IQCH: variants seen among roughly 807,000 people sequenced by gnomAD.
IQCH encodes IQ domain-containing protein H.
In IQCH, 98 loss-of-function variants were observed where a neutral mutation model predicts 117.0. The observed-to-expected ratio is 0.84, with a 90% CI of 0.71 to 0.99. IQCH has a LOEUF of 0.99. Among genes scored for constraint, IQCH ranks in the 50% least tolerant of loss-of-function variants. The probability of loss-of-function intolerance (pLI) is 0.00; values close to 1 mark genes in which losing one functional copy is unlikely to be tolerated. For synonymous variants in IQCH, 412 were observed against 448.2 expected, an observed-to-expected ratio of 0.92 and a Z score of 1.02; for missense variants, 1,102 against 1,243.8, an observed-to-expected ratio of 0.89 and a Z score of 1.72.
rs141204906 is a variant in IQCH at position 67,291,842 on chromosome 15, G to C, written c.387+12330G>C. On this transcript the variant is annotated intron_variant, in intron 4 of 20. Transcript: ENST00000335894. ...TCTCATTAGAATGTAAGCTCCATGA[G>C]AGCAGCGACTTTTTGAAAATATTTG... is the stretch of plus-strand genomic sequence containing the variant. Among the ~76,000 whole-genome samples the C allele has an allele frequency of 1.9e-3, 284 of 152,272 alleles. 1 individual carries two copies. The highest frequency in any genetic ancestry group is 5.2e-3 in the Admixed American group (80 of 15,298).
rs1025208171 is a variant in IQCH, at chr15:67,348,383, A to ACG, written c.637+4193_637+4194insGC. On this transcript the variant is annotated intron_variant, in intron 6 of 20. Transcript: ENST00000335894. The stretch of plus-strand genomic sequence containing the variant: ...CACACACACACACACACACACACGC[A>ACG]CACACAAAAGCTACTAGAACTAACA... 2.1e-5 allele frequency among the ~76,000 whole-genome samples: 3 copies of ACG among 140,792 alleles called. No homozygotes were observed. In the Admixed American group the frequency reaches 2.2e-4, roughly 10 times the overall value. The allele number at this position is 140,792 out of a possible 152,430, so 92.4% of individuals were successfully genotyped here.
intron 10 of IQCH, among the ~76,000 whole-genome samples, chr15:67,383,455 T>A (rs1406375862): frequency 6.6e-6 from 1 of 152,192 alleles, no homozygotes; most frequent in East Asian, 1.9e-4. Context: ...GACATCATCT[T>A]AATGAGACAT....
chr15:67,363,615 C>CTATGTAGTGTTATTAATTTAA (rs946413781), intron 8 of IQCH, among the ~76,000 whole-genome samples: 3 of 152,056 alleles, frequency 2.0e-5, no homozygotes, highest in African/African-American at 7.2e-5. Flanking sequence ...TATTAATAAG[C>CTATGTAGTGTTATTAATTTAA]TGTGTGTCAT....
Position 67,405,274 on chromosome 15 carries a change from A to G in IQCH, c.2097+4969A>G, listed in dbSNP as rs1971842607. 6.6e-6 allele frequency: 1 copy of G among 152,144 alleles called. No individual in the cohort carries two copies. The highest frequency in any genetic ancestry group is 1.5e-5 in the Non-Finnish European group (1 of 68,018). 9.4% of individuals were successfully genotyped at this position (152,144 alleles called of 1,614,324 possible). A position where few individuals can be genotyped will look rare whatever the true frequency, so the allele number is the denominator to read the frequency against. On this transcript the variant is annotated intron_variant, in intron 14 of 20. Transcript: ENST00000335894. The surrounding 1 kb of genome is among the most constrained non-coding windows in gnomAD (Gnocchi z 4.8). ...TTTATATTTATTTTTATATGTTGAA[A>G]TCTTGATGTCTTAGATTATCTTTAT... is the stretch of plus-strand genomic sequence containing the variant.
At chr15:67,334,430 A>G (rs1968803253) in intron 4 of IQCH, among the ~76,000 whole-genome samples, 1 of 152,172 alleles carries the variant, frequency 6.6e-6, no homozygotes, top group African/African-American at 2.4e-5. Context: ...TCGTCAGTGA[A>G]ATCTTCATGC....
intron 4 of IQCH, among the ~76,000 whole-genome samples, chr15:67,304,956 G>C (rs1967226561): frequency 6.6e-6 from 1 of 152,010 alleles, no homozygotes; most frequent in South Asian, 2.1e-4. Context: ...GTCAAATGTA[G>C]ATCTGCAGTA....
rs1404092147 is a variant in IQCH, at chr15:67,366,517, A to G, written c.754-5594A>G. On this transcript the variant is annotated intron_variant, in intron 8 of 20. Transcript: ENST00000335894. The surrounding 1 kb of genome is among the most constrained non-coding windows in gnomAD (Gnocchi z 4.4). ...TCAGGAAGTGTTTCAGAGTTCAGGAAGACTCATTTGAATAAAGATACCTTT... is the reference window on the plus strand; with the variant it reads ...TCAGGAAGTGTTTCAGAGTTCAGGAGGACTCATTTGAATAAAGATACCTTT... 6.6e-6 allele frequency among the ~76,000 whole-genome samples: 1 copy of G among 152,246 alleles called. No homozygotes were observed. The highest frequency in any genetic ancestry group is 1.5e-5 in the Non-Finnish European group (1 of 68,042).
At chr15:67,257,705 T>A (rs1965280802) in intron 1 of IQCH, among the ~76,000 whole-genome samples, 1 of 152,258 alleles carries the variant, frequency 6.6e-6, no homozygotes, top group African/African-American at 2.4e-5. Flanking sequence ...TCTTAATATA[T>A]CTTTATAAAT....
At chr15:67,362,411 A>C (rs548193683) in intron 8 of IQCH, among the ~76,000 whole-genome samples, 1 of 152,282 alleles carries the variant, frequency 6.6e-6, no homozygotes, top group South Asian at 2.1e-4. Context: ...ATAACATTGT[A>C]ATCTCAAATT....
intron 17 of IQCH, among the ~76,000 whole-genome samples, chr15:67,470,421 G>A (rs150073640): frequency 0.012 from 1,805 of 152,136 alleles, 16 homozygotes; most frequent in Non-Finnish European, 0.02. Flanking sequence ...CTCATGATCC[G>A]CCCCCATCAG....
chr15:67,351,250 C>G (rs988886545), intron 6 of IQCH, among the ~76,000 whole-genome samples: 10 of 151,992 alleles, frequency 6.6e-5, no homozygotes, highest in Non-Finnish European at 1.2e-4. Flanking sequence ...TTCCCCCCAC[C>G]CCCCAACAGT....
intron 6 of IQCH, among the ~76,000 whole-genome samples, chr15:67,349,950 A>C (rs1384100374): frequency 6.6e-6 from 1 of 152,246 alleles, no homozygotes; most frequent in East Asian, 1.9e-4. Flanking sequence ...ACACTTTGGA[A>C]AACAGTTTGG....
intron 16 of IQCH, among the ~76,000 whole-genome samples, chr15:67,448,905 T>C (rs2082454267): frequency 6.6e-6 from 1 of 152,234 alleles, no homozygotes; most frequent in African/African-American, 2.4e-5. Flanking sequence ...TCCTGACTAA[T>C]GATCGCCATT....
chr15:67,360,636 T>C (rs1970092550), intron 8 of IQCH, among the ~76,000 whole-genome samples: 1 of 152,246 alleles, frequency 6.6e-6, no homozygotes, highest in Admixed American at 6.5e-5. Flanking sequence ...GTACTTGTTA[T>C]CATAACTCAT....
At position 67,405,878 on chromosome 15, in the gene IQCH, T is replaced by C. The variant is rs1486129665; in HGVS notation, c.2097+5573T>C. ...CCACTGCTCTCAAATTTCTTCCCTT[T>C]CCTAGATAACAGAAGAGCTGGTCTC... On this transcript the variant is annotated intron_variant, in intron 14 of 20. Transcript: ENST00000335894. This position sits in a 1 kb window ranked among gnomAD's most constrained non-coding sequence, Gnocchi z 4.8. 2.0e-5 allele frequency: 3 copies of C among 152,264 alleles called. No individual in the cohort carries two copies. Among genetic ancestry groups the C allele is most frequent in the African/African-American group, 7.2e-5 (3 of 41,456 alleles). The allele number at this position is 152,264 out of a possible 1,614,324, so 9.4% of individuals were successfully genotyped here. A position where few individuals can be genotyped will look rare whatever the true frequency, so the allele number is the denominator to read the frequency against.
chr15:67,319,886 AC>A (rs1221660796), intron 4 of IQCH, among the ~76,000 whole-genome samples: 1 of 152,246 alleles, frequency 6.6e-6, no homozygotes, highest in African/African-American at 2.4e-5. Flanking sequence ...ACATACATAC[AC>A]ATACAATATT....
chr15:67,307,117 A>G, intron 4 of IQCH: 2 of 1,141,168 alleles, frequency 1.8e-6, no homozygotes, highest in Non-Finnish European at 2.1e-6. Context: ...TGACCTAGAA[A>G]AAAATCATAA....
chr15:67,293,443 T>G (rs1215487238), intron 4 of IQCH, among the ~76,000 whole-genome samples: 2 of 152,204 alleles, frequency 1.3e-5, no homozygotes, highest in African/African-American at 2.4e-5. Flanking sequence ...ATATAACCTA[T>G]GTACATCCTC....
rs1301624020 is a variant in IQCH, at chr15:67,490,311, T to C, written c.2861+247T>C. 5.3e-5 allele frequency among the ~76,000 whole-genome samples: 8 copies of C among 152,160 alleles called. No individual in the cohort carries two copies. The highest frequency in any genetic ancestry group is 1.5e-5 in the Non-Finnish European group (1 of 68,030). On this transcript the variant is annotated intron_variant, in intron 19 of 20. Transcript: ENST00000335894. This position sits in a 1 kb window ranked among gnomAD's most constrained non-coding sequence, Gnocchi z 4.9. ...ACCTCCACCTCCCGGGTTCAAGCGA[T>C]TCTCCTGCCTCAGCCTCCCAAGTAG...
Sources: allele counts gnomAD v4.1 joint callset (sites outside exome capture counted in the v4.1 genomes callset), GRCh38; gene constraint gnomAD v4.1.1; non-coding constraint Gnocchi (gnomAD v3.1); transcripts MANE v1.5; gene names NCBI Gene and HGNC (gene_info 2026-07-23, HGNC 2026-07-21).